The following TGFBR3 variants were observed in gnomAD, a reference collection of about 807,000 sequenced individuals.
The protein encoded by TGFBR3 is transforming growth factor beta receptor 3, also known as transforming growth factor beta receptor type 3.
Under a neutral mutation model 87.9 loss-of-function variants are expected in TGFBR3, and 46 were observed. That is an observed-to-expected ratio of 0.52 (90% confidence interval 0.41 to 0.67). TGFBR3 has a LOEUF of 0.67. Among genes scored for constraint, TGFBR3 ranks in the 30% least tolerant of loss-of-function variants. The pLI, the probability that TGFBR3 is intolerant of heterozygous loss-of-function variation, is 0.00. For missense variants in TGFBR3, 866 were observed against 1,041.9 expected (o/e 0.83, Z 2.32); for synonymous variants, 381 against 391.6 (o/e 0.97, Z 0.32).
chr1:91,782,966 G>A (rs527325857), intron 3 of TGFBR3, among the ~76,000 whole-genome samples: 38 of 152,190 alleles, frequency 2.5e-4, no homozygotes, highest in Non-Finnish European at 2.9e-4. Flanking sequence ...ACAGAGAACC[G>A]ACAGCCACAT....
chr1:91,771,739 T>C (rs1466638979), intron 3 of TGFBR3, among the ~76,000 whole-genome samples: 3 of 136,776 alleles, frequency 2.2e-5, no homozygotes, highest in Non-Finnish European at 4.7e-5. Flanking sequence ...ATAATGCAAA[T>C]AATATATGAA....
intron 7 of TGFBR3, 123 bp from the exon 8 acceptor site, chr1:91,722,267 G>T: frequency 1.1e-6 from 1 of 882,450 alleles, no homozygotes; most frequent in Non-Finnish European, 1.7e-6. Flanking sequence ...TTATTCTTTT[G>T]ACCCCTGTTT....
At chr1:91,785,768 CTTTTT>C (rs774046968) in intron 3 of TGFBR3, among the ~76,000 whole-genome samples, 1 of 137,138 alleles carries the variant, frequency 7.3e-6, no homozygotes, top group Admixed American at 7.3e-5. Context: ...GGCTTCTGTA[CTTTTT>C]TTTTTTTTTT....
At chr1:91,866,343 A>T (rs12124897) in intron 1 of TGFBR3, among the ~76,000 whole-genome samples, 77,589 of 152,040 alleles carry the variant, frequency 0.51, 20,813 homozygotes, top group Middle Eastern at 0.62. Flanking sequence ...ATCAGAACTA[A>T]ACTAATCCCC....
chr1:91,845,934 A>C (rs1445407273), intron 2 of TGFBR3, among the ~76,000 whole-genome samples: 1 of 152,250 alleles, frequency 6.6e-6, no homozygotes, highest in Non-Finnish European at 1.5e-5. Context: ...CTATTTAAGA[A>C]GAGGCCCTTG....
At chr1:91,739,727 TA>T (rs1208683344) in intron 4 of TGFBR3, among the ~76,000 whole-genome samples, 4 of 152,144 alleles carry the variant, frequency 2.6e-5, no homozygotes, top group East Asian at 1.9e-4. Context: ...CACACTGCTA[TA>T]AAAAAATACC....
chr1:91,693,570 A>C (rs1448541027), intron 16 of TGFBR3, among the ~76,000 whole-genome samples: 1 of 151,634 alleles, frequency 6.6e-6, no homozygotes, highest in African/African-American at 2.4e-5. Context: ...TATTGGGGGG[A>C]TTTCAGTGGG....
chr1:91,702,511 A>G (rs1224210303), intron 14 of TGFBR3, among the ~76,000 whole-genome samples: 6 of 152,130 alleles, frequency 3.9e-5, no homozygotes, highest in African/African-American at 1.2e-4. Context: ...ATAAAATAAA[A>G]TAAAAATAAA....
chr1:91,736,996 C>T (rs2100831139), intron 4 of TGFBR3, among the ~76,000 whole-genome samples: 1 of 152,286 alleles, frequency 6.6e-6, no homozygotes, highest in South Asian at 2.1e-4. Context: ...ATATCAACGG[C>T]AACTCCGAAT....
At chr1:91,782,240 G>C (rs866391251) in intron 3 of TGFBR3, among the ~76,000 whole-genome samples, 7 of 152,190 alleles carry the variant, frequency 4.6e-5, no homozygotes, top group African/African-American at 1.7e-4. Flanking sequence ...GGATGAGGGC[G>C]TTCAGAATAG....
intron 2 of TGFBR3, among the ~76,000 whole-genome samples, chr1:91,894,769 T>G (rs1008854909): frequency 6.6e-5 from 10 of 152,194 alleles, no homozygotes; most frequent in Non-Finnish European, 1.5e-4. Flanking sequence ...TCTTCTCTGT[T>G]GAGACACTCT....
intron 3 of TGFBR3, among the ~76,000 whole-genome samples, chr1:91,780,524 C>T (rs2100961882): frequency 6.8e-6 from 1 of 146,798 alleles, no homozygotes; most frequent in South Asian, 2.2e-4. Context: ...TACATAGTTG[C>T]CTACTAGTTC....
rs767236938 is a variant in TGFBR3, at chr1:91,861,591, A to G, written c.-60T>C. On this transcript the variant is annotated 5_prime_UTR_variant, in exon 2 of 17. Coordinates refer to ENST00000212355, the MANE Select transcript of TGFBR3 (RefSeq NM_003243.5). Reference sequence around the variant, plus strand: ...CTTCAGCCTGCTCAGAGCACAGACAATCTTTGCAAATCAGAAGTAGTCTTA... The same window carrying G: ...CTTCAGCCTGCTCAGAGCACAGACAGTCTTTGCAAATCAGAAGTAGTCTTA... 1.5e-6 allele frequency: 2 copies of G among 1,342,478 alleles called. No individual in the cohort carries two copies. Among genetic ancestry groups the G allele is most frequent in the Admixed American group, 3.4e-5 (2 of 59,656 alleles). 83.2% of individuals were successfully genotyped at this position (1,342,478 alleles called of 1,614,324 possible).
intron 16 of TGFBR3, among the ~76,000 whole-genome samples, chr1:91,684,650 G>T (rs138362618): frequency 4.6e-3 from 700 of 152,290 alleles, no homozygotes; most frequent in African/African-American, 0.016. Context: ...TGGAGAGGAA[G>T]GAAACCTCAA....
intron 2 of TGFBR3, among the ~76,000 whole-genome samples, chr1:91,859,294 C>G (rs1678083643): frequency 6.6e-6 from 1 of 151,988 alleles, no homozygotes; most frequent in Non-Finnish European, 1.5e-5. Flanking sequence ...TTCAGTCTGA[C>G]CCAGGCATCA....
intron 1 of TGFBR3, among the ~76,000 whole-genome samples, chr1:91,874,314 A>C (rs1377156590): frequency 6.6e-6 from 1 of 152,184 alleles, no homozygotes; most frequent in Non-Finnish European, 1.5e-5. Context: ...AGGCCCTGAG[A>C]CAGAGCGTAT....
chr1:91,829,770 G>A, intron 2 of TGFBR3: 1 of 151,912 alleles, frequency 6.6e-6, no homozygotes, highest in African/African-American at 2.4e-5. Context: ...GTTTTGTTTT[G>A]TTTAGAGACA....
At position 91,741,862 on chromosome 1, in the gene TGFBR3, A is replaced by G. The variant is rs908656989; in HGVS notation, c.385-6903T>C. 2.6e-5 allele frequency among the ~76,000 whole-genome samples: 4 copies of G among 151,732 alleles called. No homozygotes were observed. The East Asian group carries it at 5.8e-4, about 22-fold the overall frequency. On this transcript the variant is annotated intron_variant, in intron 4 of 16. Transcript: ENST00000212355. Reference sequence around the variant, plus strand: ...CCCAGCCGCTATTCCTGTTCCTTCTACCCCTCCTCCACACTGTCACCTGGG... The same window carrying G: ...CCCAGCCGCTATTCCTGTTCCTTCTGCCCCTCCTCCACACTGTCACCTGGG...
intron 3 of TGFBR3, among the ~76,000 whole-genome samples, chr1:91,775,583 C>T (rs1266868349): frequency 2.6e-5 from 4 of 152,250 alleles, no homozygotes; most frequent in African/African-American, 9.6e-5. Context: ...CAACTTGGTG[C>T]TGGGAAATCC....
Sources: gnomAD v4.1 joint callset for allele counts (sites outside exome capture counted in the v4.1 genomes callset) on GRCh38, gnomAD v4.1.1 for gene constraint, MANE v1.5 for transcripts, NCBI Gene and HGNC (gene_info 2026-07-23, HGNC 2026-07-21) for gene names.